The following LCOR variants were observed in gnomAD, a reference collection of about 807,000 sequenced individuals.
LCOR encodes ligand-dependent corepressor.
A neutral mutation model predicts 64.4 loss-of-function variants in LCOR; 14 were observed. That is an observed-to-expected ratio of 0.22 (90% CI 0.14 to 0.34). The LOEUF is 0.34. LCOR is among the 10% of genes least tolerant of loss of function. LCOR has a pLI of 1.00. For missense variants in LCOR, 1,686 were observed against 1,765.3 expected (o/e 0.96, Z 0.80); for synonymous variants, 643 against 642.5 (o/e 1.00, Z -0.01).
chr10:96,984,911 A>G lies in LCOR; in HGVS notation c.4451A>G (p.Gln1484Arg), dbSNP rs775375371. Residue 1484 changes from glutamine (Q) to arginine (R), a missense_variant, in exon 8 of 8, where the codon CAG becomes CGG. Physicochemically the swap from Gln to Arg is conservative, Grantham distance 43. Around this residue, in one of 3 missense-constraint regions of LCOR, gnomAD observed 1,293 missense variants for 1,410.4 expected, o/e 0.92. Coordinates refer to ENST00000421806, the MANE Select transcript of LCOR (RefSeq NM_001346516.2). ...GAGAATACAAACAAAAGGCCTTCCC[A>G]GTCTATTGCCTCGGAAACACTGACG... Reference protein sequence around the residue: ...EKENTNKRPSQSIASETLTKP... With the variant: ...EKENTNKRPSRSIASETLTKP... 1.2e-6 allele frequency: 2 copies of G among 1,613,914 alleles called. No homozygotes were observed. The highest frequency in any genetic ancestry group is 2.2e-5 in the South Asian group (2 of 91,064).
rs1847692680 is a variant in LCOR, at chr10:96,952,188, A to G, written c.324A>G (p.Gln108=). The G allele has an allele frequency of 6.2e-7, 1 of 1,611,294 alleles. No homozygotes were observed. ...LSHSPGCSST[Q]GNGENSTEAK... ...ACTCTCCAGGCTGCTCCAGTACTCA[A>G]GGGAACGGGTAAGGGAGAATATTTG... Residue 108 remains glutamine, a synonymous_variant, in exon 7 of 8, where the codon CAA becomes CAG. Coordinates refer to ENST00000421806, the MANE Select transcript of LCOR (RefSeq NM_001346516.2).
intron 1 of LCOR, among the ~76,000 whole-genome samples, 169 bp downstream of exon 1, chr10:96,832,568 C>A (rs1230700105): frequency 6.9e-6 from 1 of 145,222 alleles, no homozygotes; most frequent in Non-Finnish European, 1.5e-5. Flanking sequence ...CGCGCGACCT[C>A]CAGGCGGGCT....
At chr10:96,835,908 T>C (rs1845433807) in intron 2 of LCOR, among the ~76,000 whole-genome samples, 1 of 152,158 alleles carries the variant, frequency 6.6e-6, no homozygotes, top group African/African-American at 2.4e-5. Context: ...TACCAGGTGA[T>C]TATTAAGGAG....
intron 2 of LCOR, among the ~76,000 whole-genome samples, chr10:96,842,632 C>CT (rs976571447): frequency 0.032 from 4,297 of 134,284 alleles, 84 homozygotes; most frequent in South Asian, 0.042. Context: ...CTTTTCTTTT[C>CT]TTTTTTTTTT....
intron 4 of LCOR, among the ~76,000 whole-genome samples, chr10:96,942,228 T>C (rs1223703602): frequency 2.0e-5 from 3 of 150,938 alleles, no homozygotes; most frequent in African/African-American, 7.3e-5. Context: ...TCACTCGCGG[T>C]TAGGAGCTGG....
intron 2 of LCOR, among the ~76,000 whole-genome samples, chr10:96,883,044 T>C (rs1846288550): frequency 6.6e-6 from 1 of 152,094 alleles, no homozygotes. Flanking sequence ...TTTTCTTTTG[T>C]TGTTGTTGTT....
Position 96,989,691 on chromosome 10 carries a change from ATATATTTTTTTTTTTTT to A in LCOR, c.*4559_*4575del, listed in dbSNP as rs1848180403. 1.3e-5 allele frequency: 1 copy of A among 79,614 alleles called. No homozygotes were observed. The highest frequency in any genetic ancestry group is 7.7e-5 in the African/African-American group (1 of 12,930). 4.9% of individuals were successfully genotyped at this position (79,614 alleles called of 1,614,324 possible). ...AGGATAAGGATATATATATATATAT[ATATATTTTTTTTTTTTT>A]TTTTTTTTTTTAATAGAGACGAGGT... On this transcript the variant is annotated 3_prime_UTR_variant, in exon 8 of 8. Transcript: ENST00000421806.
intron 7 of LCOR, chr10:96,960,933 T>C (rs1035268386): frequency 6.6e-6 from 1 of 152,222 alleles, no homozygotes; most frequent in Non-Finnish European, 1.5e-5. Flanking sequence ...ACATTATTTG[T>C]GTACCCTCAT....
At chr10:96,975,421 A>G (rs1375134556) in intron 7 of LCOR, among the ~76,000 whole-genome samples, 4 of 152,020 alleles carry the variant, frequency 2.6e-5, no homozygotes, top group African/African-American at 9.7e-5. Flanking sequence ...CAGACATCTC[A>G]GGTTCAGAAT....
At chr10:96,837,761 G>A (rs1273041034) in intron 2 of LCOR, among the ~76,000 whole-genome samples, 1 of 152,170 alleles carries the variant, frequency 6.6e-6, no homozygotes, top group Non-Finnish European at 1.5e-5. Context: ...GTGAAATGTG[G>A]CAATTAAAGG....
chr10:96,870,135 A>G (rs975175853), intron 2 of LCOR, among the ~76,000 whole-genome samples: 3 of 151,188 alleles, frequency 2.0e-5, no homozygotes, highest in East Asian at 3.9e-4. Context: ...GCTCACTGCA[A>G]GCTCTGCCTC....
intron 2 of LCOR, among the ~76,000 whole-genome samples, chr10:96,864,599 CGTT>C (rs1845940190): frequency 6.6e-6 from 1 of 152,288 alleles, no homozygotes; most frequent in East Asian, 1.9e-4. Flanking sequence ...TGAAAAGAGA[CGTT>C]GTTCTCTGCA....
At chr10:96,860,608 G>A (rs1412813793) in intron 2 of LCOR, among the ~76,000 whole-genome samples, 2 of 152,228 alleles carry the variant, frequency 1.3e-5, no homozygotes, top group Non-Finnish European at 2.9e-5. Context: ...GTCCTAGAAA[G>A]CTAATACAGA....
intron 2 of LCOR, among the ~76,000 whole-genome samples, chr10:96,880,377 A>G (rs1846242559): frequency 6.6e-6 from 1 of 152,048 alleles, no homozygotes; most frequent in Non-Finnish European, 1.5e-5. Flanking sequence ...TGTTTAGGTT[A>G]TCTATATTCC....
chr10:96,864,124 G>A (rs115569295), intron 2 of LCOR, among the ~76,000 whole-genome samples: 111 of 152,096 alleles, frequency 7.3e-4, no homozygotes, highest in African/African-American at 2.6e-3. Context: ...TAGAAACTCC[G>A]GAAGCACATC....
rs910469142 is a variant in LCOR, at chr10:96,987,831, G to A, written c.*2697G>A. On this transcript the variant is annotated 3_prime_UTR_variant, in exon 8 of 8. Transcript: ENST00000421806. ...CCAGATACCTCCAAGCTCAGGTGTGGTATTGACTCAAGTCTGCTATTGTTT... is the reference window on the plus strand; with the variant it reads ...CCAGATACCTCCAAGCTCAGGTGTGATATTGACTCAAGTCTGCTATTGTTT... The A allele has an allele frequency of 6.6e-6, 1 of 152,294 alleles. No homozygotes were observed. The highest frequency in any genetic ancestry group is 2.4e-5 in the African/African-American group (1 of 41,546). 9.4% of individuals were successfully genotyped at this position (152,294 alleles called of 1,614,324 possible).
Position 96,981,663 on chromosome 10 carries a change from A to G in LCOR, c.1203A>G (p.Arg401=), listed in dbSNP as rs1848088157. Residue 401 remains arginine (R), a synonymous_variant, in exon 8 of 8, where the codon AGA becomes AGG. Transcript: ENST00000421806. ...AGAACCATCTTCACTCTCTGGGAAG[A>G]AATAAGGTGGGTTACCATTTACATC... ...KQENHLHSLG[R]NKVGYHLHPS... is the part of the protein sequence containing the mutation. The G allele has an allele frequency of 6.2e-7, 1 of 1,614,230 alleles. No individual in the cohort carries two copies. The highest frequency in any genetic ancestry group is 8.5e-7 in the Non-Finnish European group (1 of 1,180,046).
chr10:96,843,390 C>T (rs1470559148), intron 2 of LCOR, among the ~76,000 whole-genome samples: 1 of 152,190 alleles, frequency 6.6e-6, no homozygotes, highest in Non-Finnish European at 1.5e-5. Flanking sequence ...GCCTCAGCCT[C>T]CCAAAGTGCT....
intron 2 of LCOR, among the ~76,000 whole-genome samples, chr10:96,883,350 T>G (rs1846293854): frequency 6.6e-6 from 1 of 152,202 alleles, no homozygotes; most frequent in Non-Finnish European, 1.5e-5. Context: ...GGTTTTTATG[T>G]GGACATGTTT....
Sources: gnomAD v4.1 joint callset for allele counts (sites outside exome capture counted in the v4.1 genomes callset) on GRCh38, gnomAD v4.1.1 for gene constraint, gnomAD v4.1.1 regional missense constraint, MANE v1.5 for transcripts, NCBI Gene and HGNC (gene_info 2026-07-23, HGNC 2026-07-21) for gene names.